Variants in CD2 observed in about 807,000 individuals in gnomAD.
The protein encoded by CD2 is T-cell surface antigen CD2.
In CD2, 18 loss-of-function variants were observed where a neutral mutation model predicts 23.2. The observed-to-expected ratio is 0.77, with a 90% CI of 0.54 to 1.15. The LOEUF (loss-of-function observed/expected upper bound fraction) is 1.15, where lower values mean the gene tolerates loss of function less well. Among genes scored for constraint, CD2 ranks in the 50% most tolerant of loss-of-function variants. The probability of loss-of-function intolerance (pLI) is 0.00; values close to 1 mark genes in which losing one functional copy is unlikely to be tolerated. For synonymous variants in CD2, 162 were observed against 151.9 expected (o/e 1.07, Z -0.49); for missense variants, 424 against 423.1 (o/e 1.00, Z -0.02).
chr1:116,763,147 T>C (rs2101165722), intron 3 of CD2, among the ~76,000 whole-genome samples: 1 of 152,362 alleles, frequency 6.6e-6, no homozygotes, highest in South Asian at 2.1e-4. Context: ...TTATGTCTGC[T>C]TCTCTGGTGG....
chr1:116,756,580 T>A (rs1308047496), intron 2 of CD2, among the ~76,000 whole-genome samples: 1 of 152,166 alleles, frequency 6.6e-6, no homozygotes, highest in Non-Finnish European at 1.5e-5. Flanking sequence ...TTTCTTTTTT[T>A]TTCCAAGCAG....
Position 116,768,850 on chromosome 1 carries a change from C to G in CD2, c.*67C>G. ...TTTCTGCCCTCCTGATGTGCATATCCGTACTTCCATGAGGTGTTTTCTGTG... is the reference window on the plus strand; with the variant it reads ...TTTCTGCCCTCCTGATGTGCATATCGGTACTTCCATGAGGTGTTTTCTGTG... On this transcript the variant is annotated 3_prime_UTR_variant, in exon 5 of 5. Coordinates refer to ENST00000369478, the MANE Select transcript of CD2 (RefSeq NM_001767.5). 2.1e-6 allele frequency: 3 copies of G among 1,444,912 alleles called. No individual in the cohort carries two copies. Among genetic ancestry groups the G allele is most frequent in the Non-Finnish European group, 2.8e-6 (3 of 1,058,458 alleles). The allele number at this position is 1,444,912 out of a possible 1,614,324, so 89.5% of individuals were successfully genotyped here.
At chr1:116,756,850 G>C (rs3136701) in intron 2 of CD2, among the ~76,000 whole-genome samples, 69,517 of 151,934 alleles carry the variant, frequency 0.46, 16,712 homozygotes, top group African/African-American at 0.61. Flanking sequence ...CCTATCTGCT[G>C]TGAGTCTGCT....
chr1:116,754,575 G>A (rs758007291), intron 1 of CD2, 22 bp downstream of exon 1: 80 of 1,611,676 alleles, frequency 5.0e-5, no homozygotes, highest in Non-Finnish European at 6.7e-5. Flanking sequence ...AGTCAAAGAA[G>A]TCCCAACCCA....
At chr1:116,755,165 A>G in intron 2 of CD2, 1 of 572,504 alleles carries the variant, frequency 1.7e-6, no homozygotes, top group East Asian at 2.9e-5. Flanking sequence ...CCTGCCTACA[A>G]CTCTGTCTTC....
intron 3 of CD2, chr1:116,764,275 C>T (rs948129068): frequency 8.1e-6 from 2 of 246,634 alleles, no homozygotes; most frequent in Non-Finnish European, 1.3e-5. Context: ...AGCAGTTTCC[C>T]AAAGAGCCTG....
chr1:116,766,355 A>G lies in CD2; in HGVS notation c.736+1749A>G, dbSNP rs574732013. ...TGCCTGCAGTCTCAGCCATGTGGCTACACCCCATTCCTCCTACCAGAGCTC... is the reference window on the plus strand; with the variant it reads ...TGCCTGCAGTCTCAGCCATGTGGCTGCACCCCATTCCTCCTACCAGAGCTC... On this transcript the variant is annotated intron_variant, in intron 4 of 4. Coordinates refer to ENST00000369478, the MANE Select transcript of CD2 (RefSeq NM_001767.5). Among the ~76,000 whole-genome samples the G allele has an allele frequency of 6.6e-5, 10 of 152,348 alleles. No homozygotes were observed. In the East Asian group the frequency reaches 9.6e-4, roughly 15 times the overall value.
chr1:116,768,382 C>T (rs1008857122), intron 4 of CD2, 82 bp from the exon 5 acceptor site: 30 of 1,318,582 alleles, frequency 2.3e-5, no homozygotes, highest in Middle Eastern at 2.0e-4. Context: ...GCTAGCATGG[C>T]GCCTTGCATA....
chr1:116,760,122 T>C (rs1181751487), intron 2 of CD2, among the ~76,000 whole-genome samples: 3 of 152,218 alleles, frequency 2.0e-5, no homozygotes, highest in Non-Finnish European at 4.4e-5. Context: ...TTAAGTGATG[T>C]CATATATGTG....
intron 3 of CD2, among the ~76,000 whole-genome samples, chr1:116,763,165 TTCA>T (rs1448527699): frequency 2.6e-5 from 4 of 152,320 alleles, no homozygotes; most frequent in Admixed American, 6.5e-5. Context: ...TGGAGGCCTC[TTCA>T]TCAGTAGAGC....
At chr1:116,756,756 C>T (rs1378765942) in intron 2 of CD2, among the ~76,000 whole-genome samples, 4 of 152,234 alleles carry the variant, frequency 2.6e-5, no homozygotes, top group South Asian at 2.1e-4. Context: ...TGTGTGTGCA[C>T]GTCAATGTCA....
intron 2 of CD2, among the ~76,000 whole-genome samples, chr1:116,759,991 A>G (rs798044): frequency 0.18 from 27,276 of 152,018 alleles, 3,350 homozygotes; most frequent in African/African-American, 0.34. Flanking sequence ...TTTCTTACCC[A>G]TACTCCTAAA....
intron 2 of CD2, among the ~76,000 whole-genome samples, chr1:116,759,060 A>G (rs778913195): frequency 2.0e-5 from 3 of 152,120 alleles, no homozygotes; most frequent in Admixed American, 6.5e-5. Context: ...CACCACAATC[A>G]TGTTACTGTG....
At chr1:116,755,043 C>A in intron 2 of CD2, 92 bp downstream of exon 2, 2 of 864,270 alleles carry the variant, frequency 2.3e-6, no homozygotes, top group Non-Finnish European at 3.6e-6. Flanking sequence ...CAGCGCTGAC[C>A]TCTGCCTCCA....
At chr1:116,755,042 C>A in intron 2 of CD2, 91 bp downstream of exon 2, 6 of 863,326 alleles carry the variant, frequency 6.9e-6, no homozygotes, top group Non-Finnish European at 9.0e-6. Flanking sequence ...CCAGCGCTGA[C>A]CTCTGCCTCC....
chr1:116,763,654 T>G (rs1290468816), intron 3 of CD2, among the ~76,000 whole-genome samples: 1 of 152,144 alleles, frequency 6.6e-6, no homozygotes, highest in Non-Finnish European at 1.5e-5. Context: ...TGATGTAGGT[T>G]TCATTATCTC....
rs1378770467 is a variant in CD2, at chr1:116,760,606, C to T, written c.587C>T (p.Ser196Phe). The stretch of plus-strand genomic sequence containing the variant: ...GCAGGGAACAAAGTCAGCAAGGAAT[C>T]CAGTGTCGAGCCTGTCAGCTGTCCA... ...CTAGNKVSKESSVEPVSCPEK... is the reference protein window; with the variant it reads ...CTAGNKVSKEFSVEPVSCPEK... Residue 196 changes from serine to phenylalanine, a missense_variant, in exon 3 of 5, where the codon TCC (serine) becomes TTC (phenylalanine). By Grantham distance (155) the Ser-to-Phe change is radical (BLOSUM62 -2). Transcript: ENST00000369478. 1 of 1,614,070 alleles carries T rather than the reference C, an allele frequency of 6.2e-7. No individual in the cohort carries two copies. Among genetic ancestry groups the T allele is most frequent in the Non-Finnish European group, 8.5e-7 (1 of 1,180,004 alleles).
chr1:116,764,587 A>G lies in CD2; in HGVS notation c.717A>G (p.Lys239=), dbSNP rs541810283. The G allele has an allele frequency of 1.9e-6, 3 of 1,613,982 alleles. No individual in the cohort carries two copies. Among genetic ancestry groups the G allele is most frequent in the South Asian group, 1.1e-5 (1 of 91,060 alleles). ...LLVFYITKRK[K]QRSRRNDEEL... ...TTTTCTATATCACCAAAAGGAAAAAACAGAGGAGTCGGAGAAATGGTAAGC... is the reference window on the plus strand; with the variant it reads ...TTTTCTATATCACCAAAAGGAAAAAGCAGAGGAGTCGGAGAAATGGTAAGC... Residue 239 remains lysine, a synonymous_variant, in exon 4 of 5, where the codon AAA becomes AAG. Transcript: ENST00000369478.
chr1:116,763,264 T>C (rs550544896), intron 3 of CD2, among the ~76,000 whole-genome samples: 26 of 152,190 alleles, frequency 1.7e-4, no homozygotes, highest in Non-Finnish European at 3.7e-4. Flanking sequence ...CCACCACAGT[T>C]TGATGATCTG....
Sources: gnomAD v4.1 joint callset for allele counts (sites outside exome capture counted in the v4.1 genomes callset) on GRCh38, gnomAD v4.1.1 for gene constraint, MANE v1.5 for transcripts, NCBI Gene and HGNC (gene_info 2026-07-23, HGNC 2026-07-21) for gene names.